Variants in COL8A1 observed in about 807,000 individuals in gnomAD.
The protein encoded by COL8A1 is collagen alpha-1(VIII) chain.
A neutral mutation model predicts 42.7 loss-of-function variants in COL8A1; 21 were observed. The ratio of observed to expected loss-of-function variants is 0.49; its 90% CI spans 0.35 to 0.71. The LOEUF (loss-of-function observed/expected upper bound fraction) is 0.71, where lower values mean the gene tolerates loss of function less well. COL8A1 is among the 30% of genes least tolerant of loss of function. The pLI is 0.01. For synonymous variants in COL8A1, 367 were observed against 369.1 expected, an observed-to-expected ratio of 0.99 and a Z score of 0.06; for missense variants, 788 against 962.4, an observed-to-expected ratio of 0.82 and a Z score of 2.40.
At chr3:99,746,750 T>C (rs1941035056) in intron 2 of COL8A1, among the ~76,000 whole-genome samples, 1 of 152,208 alleles carries the variant, frequency 6.6e-6, no homozygotes, top group Non-Finnish European at 1.5e-5. Context: ...TCAGCAATGA[T>C]TCAGCAGTAA....
intron 1 of COL8A1, among the ~76,000 whole-genome samples, chr3:99,735,835 T>A (rs1940692748): frequency 1.3e-5 from 2 of 152,240 alleles, no homozygotes; most frequent in Admixed American, 6.5e-5. Context: ...CAGATCCTGT[T>A]ATTGGTCTAT....
chr3:99,728,039 T>C (rs1037870852), intron 1 of COL8A1, among the ~76,000 whole-genome samples: 2 of 151,020 alleles, frequency 1.3e-5, no homozygotes, highest in Non-Finnish European at 1.5e-5. Context: ...AATGTCATAC[T>C]GAATGGGCAA....
chr3:99,717,268 TA>T (rs1354778708), intron 1 of COL8A1, among the ~76,000 whole-genome samples: 1 of 152,080 alleles, frequency 6.6e-6, no homozygotes. Context: ...TTACTCATTA[TA>T]TCATCAGCAA....
At position 99,694,219 on chromosome 3, in the gene COL8A1, A is replaced by C. The variant is rs540305157; in HGVS notation, c.-128-50678A>C. On this transcript the variant is annotated intron_variant, in intron 1 of 3. Coordinates refer to ENST00000652472, the MANE Select transcript of COL8A1 (RefSeq NM_020351.4). ...AAAAAGTGGCTGGGTGCAGTGGCTC[A>C]CACCTGTAATCCCAGCACTTTGGGA... Among the ~76,000 whole-genome samples, 22 of 152,278 alleles carry C rather than the reference A, an allele frequency of 1.4e-4. No individual in the cohort carries two copies. In the East Asian group the frequency reaches 3.7e-3, roughly 25 times the overall value.
At position 99,657,038 on chromosome 3, in the gene COL8A1, T is replaced by G. The variant is rs1406157128; in HGVS notation, c.-129+18374T>G. 3.9e-5 allele frequency among the ~76,000 whole-genome samples: 6 copies of G among 152,338 alleles called. No homozygotes were observed. The East Asian group carries it at 1.2e-3, about 29-fold the overall frequency. On this transcript the variant is annotated intron_variant, in intron 1 of 3. Coordinates refer to ENST00000652472, the MANE Select transcript of COL8A1 (RefSeq NM_020351.4). ...TTATCAGAACTTCCTCATTCAAACC[T>G]TAAGATGGTTTCTCAGCTTGAACTT... is the stretch of plus-strand genomic sequence containing the variant.
chr3:99,698,842 A>G (rs867272927), intron 1 of COL8A1, among the ~76,000 whole-genome samples: 1 of 152,220 alleles, frequency 6.6e-6, no homozygotes, highest in South Asian at 2.1e-4. Flanking sequence ...AATAAAATAG[A>G]TCACCTGCAG....
intron 2 of COL8A1, among the ~76,000 whole-genome samples, chr3:99,757,550 T>C (rs1941278496): frequency 6.6e-6 from 1 of 152,206 alleles, no homozygotes; most frequent in Admixed American, 6.5e-5. Context: ...GTATTAATTC[T>C]GTCTAATCTT....
intron 2 of COL8A1, among the ~76,000 whole-genome samples, chr3:99,773,407 T>C (rs1051533028): frequency 4.6e-5 from 7 of 150,760 alleles, no homozygotes; most frequent in African/African-American, 1.7e-4. Flanking sequence ...CACTGCATTT[T>C]AGTACGAAGT....
intron 2 of COL8A1, among the ~76,000 whole-genome samples, chr3:99,769,749 T>C (rs1199303713): frequency 6.6e-6 from 1 of 152,076 alleles, no homozygotes; most frequent in Non-Finnish European, 1.5e-5. Flanking sequence ...TGAAACCGTG[T>C]CTCTATTAAA....
At chr3:99,728,260 A>C (rs1221028968) in intron 1 of COL8A1, among the ~76,000 whole-genome samples, 1 of 152,004 alleles carries the variant, frequency 6.6e-6, no homozygotes, top group Non-Finnish European at 1.5e-5. Context: ...CTCAGCCCAA[A>C]ATCTCCTTAA....
At chr3:99,743,550 A>G (rs1380522255) in intron 1 of COL8A1, among the ~76,000 whole-genome samples, 1 of 152,198 alleles carries the variant, frequency 6.6e-6, no homozygotes, top group East Asian at 1.9e-4. Flanking sequence ...TACCAAATAC[A>G]GAGAAAATCT....
intron 1 of COL8A1, among the ~76,000 whole-genome samples, chr3:99,707,843 G>C (rs1187683555): frequency 6.6e-6 from 1 of 152,260 alleles, no homozygotes; most frequent in African/African-American, 2.4e-5. Flanking sequence ...ACTGCTCTAA[G>C]AGCCTTACAT....
intron 3 of COL8A1, among the ~76,000 whole-genome samples, chr3:99,793,458 CAGAT>C (rs1483735997): frequency 6.7e-6 from 1 of 149,590 alleles, no homozygotes; most frequent in East Asian, 1.9e-4. Context: ...CACACACACA[CAGAT>C]AGAACAAATG....
chr3:99,672,793 C>T (rs1368024100), intron 1 of COL8A1, among the ~76,000 whole-genome samples: 4 of 151,998 alleles, frequency 2.6e-5, no homozygotes, highest in Non-Finnish European at 5.9e-5. Context: ...AGTTGTCTCA[C>T]ACCTGTATGC....
chr3:99,683,620 G>A (rs1347478378), intron 1 of COL8A1, among the ~76,000 whole-genome samples: 1 of 151,638 alleles, frequency 6.6e-6, no homozygotes, highest in East Asian at 1.9e-4. Flanking sequence ...TTTTTCAAAG[G>A]AGTGGGTTGT....
At chr3:99,787,768 T>G (rs1424570764) in intron 2 of COL8A1, among the ~76,000 whole-genome samples, 1 of 152,152 alleles carries the variant, frequency 6.6e-6, no homozygotes, top group Admixed American at 6.6e-5. Context: ...GCTTTTGTCA[T>G]ATGACATGAC....
intron 1 of COL8A1, among the ~76,000 whole-genome samples, chr3:99,710,909 G>A (rs1205723485): frequency 6.6e-6 from 1 of 152,062 alleles, no homozygotes; most frequent in Non-Finnish European, 1.5e-5. Context: ...TAAATGTGAG[G>A]TAGAAAAAAT....
At position 99,705,990 on chromosome 3, in the gene COL8A1, G is replaced by A. The variant is rs190777636; in HGVS notation, c.-128-38907G>A. 5.9e-5 allele frequency among the ~76,000 whole-genome samples: 9 copies of A among 151,758 alleles called. No individual in the cohort carries two copies. The East Asian group carries it at 1.7e-3, about 29-fold the overall frequency. ...ATTCTACACTTTCATAAATATCTTA[G>A]GTATTTTTAGAAAAAGATCCAAGTC... is the stretch of plus-strand genomic sequence containing the variant. On this transcript the variant is annotated intron_variant, in intron 1 of 3. Transcript: ENST00000652472.
chr3:99,650,076 C>T (rs1484797969), intron 1 of COL8A1, among the ~76,000 whole-genome samples: 1 of 152,090 alleles, frequency 6.6e-6, no homozygotes, highest in East Asian at 1.9e-4. Context: ...TTCATCTTCA[C>T]CTCCCTCAAG....
Sources: allele counts gnomAD v4.1 joint callset (sites outside exome capture counted in the v4.1 genomes callset), GRCh38; gene constraint gnomAD v4.1.1; transcripts MANE v1.5; gene names NCBI Gene and HGNC (gene_info 2026-07-23, HGNC 2026-07-21).